Variants in GNAL observed in about 807,000 individuals in gnomAD.
GNAL encodes the protein G protein subunit alpha L.
GNAL carries 18 observed loss-of-function variants against 55.1 expected under a neutral mutation model. The ratio of observed to expected loss-of-function variants is 0.33; its 90% CI spans 0.23 to 0.48. GNAL has a LOEUF of 0.48. Ranked by LOEUF, GNAL falls within the 20% of genes least tolerant of loss-of-function variation. The probability of loss-of-function intolerance (pLI) is 0.99; values close to 1 mark genes in which losing one functional copy is unlikely to be tolerated. For synonymous variants in GNAL, 253 were observed against 237.0 expected (o/e 1.07, Z -0.62); for missense variants, 412 against 614.1 (o/e 0.67, Z 3.48).
chr18:11,790,747 C>T (rs1320070916), intron 4 of GNAL, among the ~76,000 whole-genome samples: 1 of 150,180 alleles, frequency 6.7e-6, no homozygotes, highest in African/African-American at 2.5e-5. Context: ...AGCTCTGCCT[C>T]CCGGGTTCAC....
chr18:11,720,141 G>A (rs1216108405), intron 1 of GNAL, among the ~76,000 whole-genome samples: 3 of 152,190 alleles, frequency 2.0e-5, no homozygotes, highest in Admixed American at 6.5e-5. Context: ...ATTTTGAATA[G>A]CAAGGTGAGT....
chr18:11,739,908 C>T (rs2032539787), intron 1 of GNAL, among the ~76,000 whole-genome samples: 1 of 151,330 alleles, frequency 6.6e-6, no homozygotes, highest in African/African-American at 2.4e-5. Context: ...TAAGACCATA[C>T]AGCCCTCCTG....
intron 5 of GNAL, among the ~76,000 whole-genome samples, chr18:11,841,799 T>C (rs906150277): frequency 1.3e-5 from 2 of 152,196 alleles, no homozygotes; most frequent in Non-Finnish European, 2.9e-5. Flanking sequence ...ACCTCTGCTT[T>C]ATGGAATGTT....
intron 4 of GNAL, 105 bp downstream of exon 4, chr18:11,754,050 C>T (rs1332240016): frequency 2.4e-6 from 2 of 836,170 alleles, no homozygotes; most frequent in Non-Finnish European, 2.0e-6. Context: ...TATTAACTTT[C>T]TTCGAAATCC....
At chr18:11,801,146 A>G in intron 4 of GNAL, among the ~76,000 whole-genome samples, 1 of 152,358 alleles carries the variant, frequency 6.6e-6, no homozygotes, top group African/African-American at 2.4e-5. Flanking sequence ...TGTCAAGGGC[A>G]ATGCTAAGTG....
intron 4 of GNAL, among the ~76,000 whole-genome samples, chr18:11,804,977 T>G (rs11873905): frequency 1.1e-5 from 1 of 88,566 alleles, no homozygotes; most frequent in African/African-American, 4.7e-5. Context: ...GAGTGGAACA[T>G]GGAGATACTG....
intron 1 of GNAL, among the ~76,000 whole-genome samples, chr18:11,708,657 A>C (rs2031768963): frequency 6.6e-6 from 1 of 152,238 alleles, no homozygotes; most frequent in Non-Finnish European, 1.5e-5. Context: ...AATTTGTATA[A>C]ATGCAATATC....
chr18:11,844,981 T>G (rs2035699477), intron 5 of GNAL, among the ~76,000 whole-genome samples: 1 of 152,188 alleles, frequency 6.6e-6, no homozygotes, highest in South Asian at 2.1e-4. Flanking sequence ...TTCTCCTGCC[T>G]CAGCCTCCCA....
chr18:11,857,504 C>CT (rs1222103307), intron 5 of GNAL: 2 of 985,354 alleles, frequency 2.0e-6, no homozygotes, highest in African/African-American at 1.7e-5. Flanking sequence ...AAAGTGTGGA[C>CT]TTTACCCCAT....
At chr18:11,782,941 C>A (rs2033960617) in intron 4 of GNAL, among the ~76,000 whole-genome samples, 1 of 152,146 alleles carries the variant, frequency 6.6e-6, no homozygotes, top group Non-Finnish European at 1.5e-5. Context: ...TGATAGGTGA[C>A]AATGCTTCAA....
At chr18:11,857,557 G>T in intron 5 of GNAL, 2 of 985,464 alleles carry the variant, frequency 2.0e-6, no homozygotes, top group Non-Finnish European at 2.4e-6. Flanking sequence ...GATGGTTCAG[G>T]CAGAGATTAG....
At chr18:11,785,082 C>T (rs947299406) in intron 4 of GNAL, among the ~76,000 whole-genome samples, 1 of 152,138 alleles carries the variant, frequency 6.6e-6, no homozygotes, top group Admixed American at 6.5e-5. Flanking sequence ...TTTTCCCAGT[C>T]CCACGCTCAG....
At chr18:11,852,456 ATTAT>A (rs1330078844) in intron 5 of GNAL, 6 of 261,420 alleles carry the variant, frequency 2.3e-5, no homozygotes, top group Admixed American at 5.0e-5. Context: ...GGTTTTTATT[ATTAT>A]TTAGTGTGAT....
intron 8 of GNAL, among the ~76,000 whole-genome samples, chr18:11,867,541 G>A (rs896425471): frequency 2.5e-4 from 38 of 152,014 alleles, no homozygotes; most frequent in Admixed American, 1.7e-3. Context: ...TAGGCCGGGC[G>A]TGGTGGCTCA....
At chr18:11,805,780 T>G (rs1347223863) in intron 4 of GNAL, among the ~76,000 whole-genome samples, 3 of 152,230 alleles carry the variant, frequency 2.0e-5, no homozygotes, top group Non-Finnish European at 4.4e-5. Flanking sequence ...TCCATATCTT[T>G]GCAATTGTGA....
intron 4 of GNAL, among the ~76,000 whole-genome samples, chr18:11,758,020 G>T (rs2143151911): frequency 1.3e-5 from 2 of 152,238 alleles, no homozygotes; most frequent in Middle Eastern, 3.4e-3. Flanking sequence ...AGCTGGGAAG[G>T]TAGGCAAGGT....
intron 4 of GNAL, among the ~76,000 whole-genome samples, chr18:11,803,297 A>G (rs897837216): frequency 6.6e-6 from 1 of 152,180 alleles, no homozygotes; most frequent in African/African-American, 2.4e-5. Flanking sequence ...ATTTTGACTT[A>G]TGTAAGTGGA....
At chr18:11,740,517 C>T (rs772755099) in intron 1 of GNAL, among the ~76,000 whole-genome samples, 2 of 152,154 alleles carry the variant, frequency 1.3e-5, no homozygotes, top group Non-Finnish European at 2.9e-5. Flanking sequence ...CTTGCACACA[C>T]CCATTTGTGG....
At chr18:11,807,100 A>G (rs769591618) in intron 4 of GNAL, among the ~76,000 whole-genome samples, 16 of 152,142 alleles carry the variant, frequency 1.1e-4, no homozygotes, top group South Asian at 2.1e-4. Context: ...CAGAGGTTGC[A>G]GTGAGTGGAG....
Sources: gnomAD v4.1 joint callset for allele counts (sites outside exome capture counted in the v4.1 genomes callset) on GRCh38, gnomAD v4.1.1 for gene constraint, MANE v1.5 for transcripts, NCBI Gene and HGNC (gene_info 2026-07-23, HGNC 2026-07-21) for gene names.